TBRG1: variants seen among roughly 807,000 people sequenced by gnomAD.
TBRG1 encodes the protein transforming growth factor beta regulator 1.
A neutral mutation model predicts 44.0 loss-of-function variants in TBRG1; 31 were observed. The ratio of observed to expected loss-of-function variants is 0.70; its 90% confidence interval spans 0.53 to 0.95. TBRG1 has a LOEUF of 0.95. Ranked by LOEUF, TBRG1 falls within the 40% of genes least tolerant of loss-of-function variation. The pLI, the probability that TBRG1 is intolerant of heterozygous loss-of-function variation, is 0.00. For synonymous variants in TBRG1, 171 were observed against 188.1 expected, an observed-to-expected ratio of 0.91 and a Z score of 0.74; for missense variants, 487 against 496.1, an observed-to-expected ratio of 0.98 and a Z score of 0.18.
At chr11:124,626,043 G>A (rs1591373463) in intron 3 of TBRG1, 140 bp downstream of exon 3, 1 of 1,273,022 alleles carries the variant, frequency 7.9e-7, no homozygotes, top group Non-Finnish European at 1.0e-6. Flanking sequence ...AGGAGCCCTT[G>A]AGAAAACAAA....
In TBRG1 at chr11:124,626,248, G is replaced by A. The variant is rs539508705; in HGVS notation, c.455-225G>A. Among the ~76,000 whole-genome samples the A allele has an allele frequency of 1.8e-4, 27 of 152,320 alleles. No individual in the cohort carries two copies. The East Asian group carries it at 4.2e-3, about 24-fold the overall frequency. On this transcript the variant is annotated intron_variant, in intron 3 of 8. Transcript: ENST00000441174. ...GGCTTGGTAAATTTCTGATCTTACA[G>A]ATGAAATAAGAGGCCTTAAAAAGTA...
At position 124,630,743 on chromosome 11, in the gene TBRG1, A is replaced by C; in HGVS notation, c.837-2A>C. ...AACTAAAATTATCCCTCTCCTGTTTAGGGGGAAACTAATGCCTAACCTGCT... is the reference window on the plus strand; with the variant it reads ...AACTAAAATTATCCCTCTCCTGTTTCGGGGGAAACTAATGCCTAACCTGCT... On this transcript the variant is annotated splice_acceptor_variant, in intron 6 of 8. Transcript: ENST00000441174. LOFTEE classifies it high-confidence loss of function. The C allele has an allele frequency of 6.3e-7, 1 of 1,598,622 alleles. No individual in the cohort carries two copies. The highest frequency in any genetic ancestry group is 8.5e-7 in the Non-Finnish European group (1 of 1,171,020).
At chr11:124,629,351 AAAAG>A (rs1942561326) in intron 5 of TBRG1, among the ~76,000 whole-genome samples, 1 of 152,178 alleles carries the variant, frequency 6.6e-6, no homozygotes, top group Non-Finnish European at 1.5e-5. Context: ...AAAAAAAAGA[AAAAG>A]AAAAAAGAAA....
In TBRG1 at chr11:124,624,968, A is replaced by C; in HGVS notation, c.188A>C (p.Glu63Ala). 2 of 1,550,280 alleles carry C rather than the reference A, an allele frequency of 1.3e-6. No homozygotes were observed. Among genetic ancestry groups the C allele is most frequent in the Non-Finnish European group, 1.7e-6 (2 of 1,146,086 alleles). Residue 63 changes from glutamate to alanine, a missense_variant, in exon 2 of 9, where the codon GAG (glutamate) becomes GCG (alanine). By Grantham distance (107) the Glu-to-Ala change is moderately radical. Coordinates refer to ENST00000441174, the MANE Select transcript of TBRG1 (RefSeq NM_032811.3). ...AAICDEIARL[E>A]EKFLKAKEER... ...ATTTGTGATGAAATTGCTCGTCTTG[A>C]GGAAAAATTTCTTAAAGCAAAAGAA...
chr11:124,623,350 T>A, intron 1 of TBRG1, 117 bp downstream of exon 1: 1 of 1,149,096 alleles, frequency 8.7e-7, no homozygotes, highest in Non-Finnish European at 1.3e-6. Context: ...CTTTTCCGTA[T>A]ACGTTACTAC....
At chr11:124,623,988 G>A (rs1180789010) in intron 1 of TBRG1, among the ~76,000 whole-genome samples, 1 of 152,296 alleles carries the variant, frequency 6.6e-6, no homozygotes, top group Admixed American at 6.5e-5. Context: ...AAGCTTGAAC[G>A]TCTCTCAGCA....
chr11:124,624,384 GAAAA>G (rs1466887014), intron 1 of TBRG1, among the ~76,000 whole-genome samples: 8 of 126,002 alleles, frequency 6.3e-5, no homozygotes, highest in Non-Finnish European at 1.4e-4. Context: ...AAAAAAAAAA[GAAAA>G]AAGATAATAC....
At chr11:124,626,361 A>G in intron 3 of TBRG1, 112 bp from the exon 4 acceptor site, 4 of 980,166 alleles carry the variant, frequency 4.1e-6, no homozygotes, top group Non-Finnish European at 6.0e-6. Flanking sequence ...CCATTCAGTA[A>G]GTATATAAAA....
chr11:124,632,178 T>C lies in TBRG1; in HGVS notation c.1176T>C (p.Asp392=). ...PMYLTHEPLV[D]THLQHLKSPS... is the part of the protein sequence containing the mutation. ...ACCTGACACATGAACCCTTGGTAGA[T>C]ACTCACCTGCAGCACTTGAAGTCTC... The change falls in exon 9 of 9, where the codon GAT becomes GAC. Residue 392 remains aspartate, a synonymous_variant. Transcript: ENST00000441174. 1 of 1,613,768 alleles carries C rather than the reference T, an allele frequency of 6.2e-7. No individual in the cohort carries two copies. The highest frequency in any genetic ancestry group is 1.1e-5 in the South Asian group (1 of 91,074).
Position 124,626,457 on chromosome 11 carries a change from C to T in TBRG1, c.455-16C>T. ...GGAAGGGGCCTAAAGTGGGTGACCC[C>T]AGATTTGCGTTTCAGTTCTGAAGAA... On this transcript the variant is annotated splice_polypyrimidine_tract_variant and intron_variant, in intron 3 of 8. Coordinates refer to ENST00000441174, the MANE Select transcript of TBRG1 (RefSeq NM_032811.3). The T allele has an allele frequency of 1.3e-6, 2 of 1,518,188 alleles. No individual in the cohort carries two copies. Among genetic ancestry groups the T allele is most frequent in the South Asian group, 2.6e-5 (2 of 76,840 alleles). 94.0% of individuals were successfully genotyped at this position (1,518,188 alleles called of 1,614,324 possible).
intron 5 of TBRG1, among the ~76,000 whole-genome samples, chr11:124,628,523 TA>T (rs201184255): frequency 0.43 from 53,525 of 123,242 alleles, 10,680 homozygotes; most frequent in East Asian, 0.62. Context: ...AAAGCAATAT[TA>T]AAAAAAAAAA....
In TBRG1 at chr11:124,623,046, C is replaced by T; in HGVS notation, c.-38C>T. On this transcript the variant is annotated 5_prime_UTR_variant, in exon 1 of 9. Coordinates refer to ENST00000441174, the MANE Select transcript of TBRG1 (RefSeq NM_032811.3). ...CCGCTCCCCGACTTAGGATCCGATG[C>T]CGGCAGCGTCCTGGGGCCCCCGTAG... The T allele has an allele frequency of 2.0e-6, 3 of 1,498,142 alleles. No individual in the cohort carries two copies. The highest frequency in any genetic ancestry group is 2.7e-6 in the Non-Finnish European group (3 of 1,124,918). 92.8% of individuals were successfully genotyped at this position (1,498,142 alleles called of 1,614,324 possible).
chr11:124,627,159 G>C (rs764488391), intron 5 of TBRG1, 109 bp downstream of exon 5: 4 of 817,476 alleles, frequency 4.9e-6, no homozygotes, highest in African/African-American at 1.7e-5. Context: ...ATCACCATTT[G>C]GGTAATCCCA....
chr11:124,628,666 T>C (rs1942540013), intron 5 of TBRG1, among the ~76,000 whole-genome samples: 2 of 152,034 alleles, frequency 1.3e-5, no homozygotes, highest in Admixed American at 1.3e-4. Flanking sequence ...GAGGGATTAA[T>C]AATATCCAGT....
intron 1 of TBRG1, among the ~76,000 whole-genome samples, chr11:124,623,931 A>ATG (rs1942398774): frequency 1.3e-5 from 2 of 152,176 alleles, no homozygotes; most frequent in African/African-American, 4.8e-5. Flanking sequence ...GAGTCCTCAA[A>ATG]TGTCCCCCCA....
At chr11:124,626,818 A>G (rs2134327882) in intron 4 of TBRG1, 86 bp from the exon 5 acceptor site, 2 of 1,549,254 alleles carry the variant, frequency 1.3e-6, no homozygotes, top group Non-Finnish European at 1.7e-6. Flanking sequence ...TGCAGCCCCA[A>G]AGTGGTTCTA....
At chr11:124,627,583 A>C (rs1361017182) in intron 5 of TBRG1, among the ~76,000 whole-genome samples, 1 of 152,128 alleles carries the variant, frequency 6.6e-6, no homozygotes, top group Non-Finnish European at 1.5e-5. Context: ...AAAAAAATAG[A>C]CCATTTTCGG....
At position 124,631,309 on chromosome 11, in the gene TBRG1, G is replaced by A. The variant is rs1565402083; in HGVS notation, c.982G>A (p.Gly328Arg). The A allele has an allele frequency of 1.9e-6, 3 of 1,610,688 alleles. No individual in the cohort carries two copies. The highest frequency in any genetic ancestry group is 1.7e-6 in the Non-Finnish European group (2 of 1,178,348). The change falls in exon 8 of 9, where the codon GGA becomes AGA. Residue 328 changes from glycine (G) to arginine (R), a missense_variant. Physicochemically the swap from Gly to Arg is moderately radical, Grantham distance 125. Coordinates refer to ENST00000441174, the MANE Select transcript of TBRG1 (RefSeq NM_032811.3). ...GGTGAAATTTGATGTGTGCAAACCT[G>A]GAGATGGGCAGCTACCTGAGGGGCT... ...QWVKFDVCKP[G>R]DGQLPEGLPE...
chr11:124,630,723 A>C, intron 6 of TBRG1, 22 bp from the exon 7 acceptor site: 1 of 1,546,422 alleles, frequency 6.5e-7, no homozygotes, highest in Non-Finnish European at 8.9e-7. Flanking sequence ...TCTCAAACTA[A>C]AATTATCCCT....
Sources: allele counts gnomAD v4.1 joint callset (sites outside exome capture counted in the v4.1 genomes callset), GRCh38; gene constraint gnomAD v4.1.1; transcripts MANE v1.5; gene names NCBI Gene and HGNC (gene_info 2026-07-23, HGNC 2026-07-21).